Variants in PAPSS1 observed in about 807,000 individuals in gnomAD.
PAPSS1 encodes the protein bifunctional 3'-phosphoadenosine 5'-phosphosulfate synthase 1.
Under a neutral mutation model 72.0 loss-of-function variants are expected in PAPSS1, and 50 were observed. That is an observed-to-expected ratio of 0.69 (90% CI 0.55 to 0.88). The LOEUF is 0.88. Among genes scored for constraint, PAPSS1 ranks in the 40% least tolerant of loss-of-function variants. The pLI is 0.00. For missense variants in PAPSS1, 657 were observed against 782.2 expected (o/e 0.84, Z 1.91); for synonymous variants, 261 against 263.6 (o/e 0.99, Z 0.09).
At chr4:107,669,694 T>A (rs922662137) in intron 5 of PAPSS1, among the ~76,000 whole-genome samples, 1 of 152,164 alleles carries the variant, frequency 6.6e-6, no homozygotes, top group African/African-American at 2.4e-5. Context: ...TAACAAATAT[T>A]GAAAAGGAGG....
At chr4:107,628,964 A>G (rs992045295) in intron 11 of PAPSS1, among the ~76,000 whole-genome samples, 3 of 152,228 alleles carry the variant, frequency 2.0e-5, no homozygotes, top group Non-Finnish European at 4.4e-5. Context: ...AGTTAATACA[A>G]TTCTGTCAGT....
chr4:107,696,016 A>G (rs1578428705), intron 2 of PAPSS1, among the ~76,000 whole-genome samples: 1 of 152,220 alleles, frequency 6.6e-6, no homozygotes, highest in African/African-American at 2.4e-5. Context: ...CAAAACCACA[A>G]TGAGATATCA....
chr4:107,684,772 T>C (rs960157743), intron 4 of PAPSS1, among the ~76,000 whole-genome samples: 2 of 151,266 alleles, frequency 1.3e-5, no homozygotes, highest in African/African-American at 4.9e-5. Flanking sequence ...ATGTATTTGA[T>C]TGATGTCTCA....
At chr4:107,687,455 C>T (rs757858330) in intron 3 of PAPSS1, among the ~76,000 whole-genome samples, 8 of 152,160 alleles carry the variant, frequency 5.3e-5, no homozygotes, top group Admixed American at 4.6e-4. Flanking sequence ...TCAAATTCTA[C>T]GTGGATCCTG....
intron 2 of PAPSS1, among the ~76,000 whole-genome samples, chr4:107,695,157 T>C (rs1723035400): frequency 6.6e-6 from 1 of 152,238 alleles, no homozygotes; most frequent in Non-Finnish European, 1.5e-5. Flanking sequence ...TTGTGTCCTC[T>C]ATTATTTCCT....
At chr4:107,619,604 C>T (rs1296421959) in intron 11 of PAPSS1, among the ~76,000 whole-genome samples, 2 of 152,042 alleles carry the variant, frequency 1.3e-5, no homozygotes, top group East Asian at 3.9e-4. Flanking sequence ...CTGGAATGGG[C>T]TAAAATTATC....
intron 7 of PAPSS1, 112 bp downstream of exon 7, chr4:107,656,784 G>C (rs1165830721): frequency 4.2e-6 from 3 of 717,742 alleles, no homozygotes; most frequent in Non-Finnish European, 5.0e-6. Context: ...GTCTTATAAT[G>C]CTACCTCTAT....
At chr4:107,646,593 T>C (rs1201991598) in intron 9 of PAPSS1, among the ~76,000 whole-genome samples, 1 of 151,892 alleles carries the variant, frequency 6.6e-6, no homozygotes, top group Non-Finnish European at 1.5e-5. Flanking sequence ...GCTCAAAGAA[T>C]AATGGGGACA....
At position 107,655,542 on chromosome 4, in the gene PAPSS1, A is replaced by C. The variant is rs989550409; in HGVS notation, c.896-642T>G. Among the ~76,000 whole-genome samples, 12 of 152,360 alleles carry C rather than the reference A, an allele frequency of 7.9e-5. No homozygotes were observed. In the East Asian group the frequency reaches 2.3e-3, roughly 29 times the overall value. ...TACTAAAGGCACAGTCTCAGCATGC[A>C]ACCTTGCAAGCTATAAAAATCTTTT... On this transcript the variant is annotated intron_variant, in intron 7 of 11. Transcript: ENST00000265174.
At position 107,614,149 on chromosome 4, in the gene PAPSS1, G is replaced by C. The variant is rs183492384; in HGVS notation, c.*100C>G. On this transcript the variant is annotated 3_prime_UTR_variant, in exon 12 of 12. Transcript: ENST00000265174. Reference sequence around the variant, plus strand: ...AAGGAAAATGGTCTGTTTTTAGGAAGCATGTCCAGACAGACACCACAAAGA... The same window carrying C: ...AAGGAAAATGGTCTGTTTTTAGGAACCATGTCCAGACAGACACCACAAAGA... 174 of 1,242,818 alleles carry C rather than the reference G, an allele frequency of 1.4e-4. 1 individual carries two copies. The highest frequency in any genetic ancestry group is 1.8e-4 in the Non-Finnish European group (164 of 888,448). 77.0% of individuals were successfully genotyped at this position (1,242,818 alleles called of 1,614,324 possible).
intron 9 of PAPSS1, among the ~76,000 whole-genome samples, chr4:107,650,645 T>C (rs1578398431): frequency 6.6e-6 from 1 of 152,172 alleles, no homozygotes; most frequent in Non-Finnish European, 1.5e-5. Flanking sequence ...ATGTTTCTGG[T>C]TGCAAATCAC....
intron 1 of PAPSS1, among the ~76,000 whole-genome samples, chr4:107,715,531 T>C (rs1413098802): frequency 6.6e-6 from 1 of 152,226 alleles, no homozygotes; most frequent in Non-Finnish European, 1.5e-5. Flanking sequence ...TTCAGCTAAA[T>C]CCAGAATGTG....
At chr4:107,696,539 A>T (rs946938157) in intron 2 of PAPSS1, among the ~76,000 whole-genome samples, 4 of 152,134 alleles carry the variant, frequency 2.6e-5, no homozygotes, top group Non-Finnish European at 5.9e-5. Flanking sequence ...ATGGAGGGGA[A>T]CAACATACAC....
At chr4:107,684,288 A>G (rs1392518725) in intron 4 of PAPSS1, among the ~76,000 whole-genome samples, 1 of 152,168 alleles carries the variant, frequency 6.6e-6, no homozygotes, top group Non-Finnish European at 1.5e-5. Context: ...ACAAATTTTC[A>G]TCAGATAGGT....
intron 3 of PAPSS1, 90 bp downstream of exon 3, chr4:107,693,681 G>C: frequency 1.2e-6 from 1 of 867,508 alleles, no homozygotes; most frequent in African/African-American, 1.6e-5. Context: ...TAGCCTCAAA[G>C]CACATATCAA....
At chr4:107,645,689 C>G (rs983815206) in intron 9 of PAPSS1, among the ~76,000 whole-genome samples, 10 of 152,194 alleles carry the variant, frequency 6.6e-5, no homozygotes, top group Non-Finnish European at 1.2e-4. Context: ...CTGGTTAACT[C>G]CTTATCTCCT....
intron 5 of PAPSS1, among the ~76,000 whole-genome samples, chr4:107,677,956 C>T (rs1578416196): frequency 6.6e-6 from 1 of 152,050 alleles, no homozygotes; most frequent in South Asian, 2.1e-4. Flanking sequence ...AAACACCACA[C>T]GTTCTCACTC....
At chr4:107,658,971 A>G (rs1727094389) in intron 6 of PAPSS1, among the ~76,000 whole-genome samples, 1 of 152,238 alleles carries the variant, frequency 6.6e-6, no homozygotes, top group Admixed American at 6.5e-5. Context: ...AGAAAAAGCT[A>G]CTGTCTTTCT....
intron 3 of PAPSS1, among the ~76,000 whole-genome samples, chr4:107,689,447 TC>T (rs1460983936): frequency 1.3e-5 from 2 of 152,116 alleles, no homozygotes; most frequent in Admixed American, 6.5e-5. Flanking sequence ...CAGGAAGCCT[TC>T]CCTGCATGCT....
Sources: gnomAD v4.1 joint callset for allele counts (sites outside exome capture counted in the v4.1 genomes callset) on GRCh38, gnomAD v4.1.1 for gene constraint, MANE v1.5 for transcripts, NCBI Gene and HGNC (gene_info 2026-07-23, HGNC 2026-07-21) for gene names.